Variants in HOPX observed in about 807,000 individuals in gnomAD.
The protein encoded by HOPX is HOP homeobox.
A neutral mutation model predicts 11.8 loss-of-function variants in HOPX; 5 were observed. The ratio of observed to expected loss-of-function variants is 0.43; its 90% CI spans 0.22 to 0.89. The LOEUF is 0.89. Among genes scored for constraint, HOPX ranks in the 40% least tolerant of loss-of-function variants. The probability of loss-of-function intolerance (pLI) is 0.28; values close to 1 mark genes in which losing one functional copy is unlikely to be tolerated. For missense variants in HOPX, 119 were observed against 120.0 expected, an observed-to-expected ratio of 0.99 and a Z score of 0.04; for synonymous variants, 49 against 49.7, an observed-to-expected ratio of 0.99 and a Z score of 0.06.
At chr4:56,668,766 CCTCA>C (rs2109531888) in intron 1 of HOPX, among the ~76,000 whole-genome samples, 1 of 152,270 alleles carries the variant, frequency 6.6e-6, no homozygotes, top group African/African-American at 2.4e-5. Flanking sequence ...CACTTTAAAT[CCTCA>C]CTAATGAATG....
chr4:56,656,258 T>G (rs920326536), intron 2 of HOPX: 10 of 1,167,152 alleles, frequency 8.6e-6, no homozygotes, highest in Non-Finnish European at 1.1e-5. Flanking sequence ...GTCCTGCGCC[T>G]CCCGCGCCCC....
At chr4:56,663,254 CACTTG>C (rs1273013030) in intron 1 of HOPX, 3 of 152,138 alleles carry the variant, frequency 2.0e-5, no homozygotes, top group Non-Finnish European at 4.4e-5. Context: ...GAACACGCTG[CACTTG>C]ACTTGATGAG....
rs2109481031 is a variant in HOPX, at chr4:56,656,011, C to T, written c.44G>A (p.Arg15His). 1.3e-6 allele frequency: 2 copies of T among 1,587,354 alleles called. No homozygotes were observed. Among genetic ancestry groups the T allele is most frequent in the South Asian group, 2.3e-5 (2 of 87,438 alleles). ...GGTCTCCGCCGACATGGTCCCTGCGCGCTGCGGGGCAGGGAGAAGCGGCGG... is the reference window on the plus strand; with the variant it reads ...GGTCTCCGCCGACATGGTCCCTGCGTGCTGCGGGGCAGGGAGAAGCGGCGG... ...LGCYRRRLEE[R>H]AGTMSAETAS... is the part of the protein sequence containing the mutation. The change falls in exon 3 of 4, where the codon CGC becomes CAC. Residue 15 changes from arginine (R) to histidine (H), a missense_variant and splice_region_variant. Transcript: ENST00000420433.
At position 56,669,279 on chromosome 4, in the gene HOPX, C is replaced by G. The variant is rs79166728; in HGVS notation, c.-83-11380G>C. On this transcript the variant is annotated intron_variant, in intron 1 of 3. Coordinates refer to ENST00000420433, the MANE Select transcript of HOPX (RefSeq NM_032495.6). Reference sequence around the variant, plus strand: ...GCCTAGTTTCTACTTCAAGGGACAACGGAGGAACCCATGAAACACTAGGAA... The same window carrying G: ...GCCTAGTTTCTACTTCAAGGGACAAGGGAGGAACCCATGAAACACTAGGAA... Among the ~76,000 whole-genome samples the G allele has an allele frequency of 2.8e-5, 4 of 143,852 alleles. No homozygotes were observed. The South Asian group carries it at 8.5e-4, about 31-fold the overall frequency. The allele number at this position is 143,852 out of a possible 152,430, so 94.4% of individuals were successfully genotyped here.
chr4:56,651,915 T>TGTGTGTGTG (rs1260908831), intron 3 of HOPX, among the ~76,000 whole-genome samples: 2 of 145,430 alleles, frequency 1.4e-5, no homozygotes, highest in African/African-American at 5.1e-5. Context: ...TGTGTGTGTG[T>TGTGTGTGTG]TTGAAATAAT....
At chr4:56,650,682 C>G (rs776207816) in intron 3 of HOPX, 1 of 1,551,578 alleles carries the variant, frequency 6.4e-7, no homozygotes. Context: ...ATCTTACATA[C>G]CTTTACACTG....
intron 1 of HOPX, among the ~76,000 whole-genome samples, chr4:56,675,876 G>C (rs1718989905): frequency 6.6e-6 from 1 of 151,710 alleles, no homozygotes; most frequent in South Asian, 2.1e-4. Context: ...GGATCCCCAG[G>C]TGATGGTTTT....
Position 56,681,263 on chromosome 4 carries a change from G to T in HOPX, c.-92C>A. The T allele has an allele frequency of 1.0e-6, 1 of 985,414 alleles. No homozygotes were observed. The highest frequency in any genetic ancestry group is 1.2e-6 in the Non-Finnish European group (1 of 829,930). The allele number at this position is 985,414 out of a possible 1,614,324, so 61.0% of individuals were successfully genotyped here. A position where few individuals can be genotyped will look rare whatever the true frequency, so the allele number is the denominator to read the frequency against. On this transcript the variant is annotated 5_prime_UTR_variant, in exon 1 of 4. Transcript: ENST00000420433. The stretch of plus-strand genomic sequence containing the variant: ...CTTTGAAAGGTACTTACGTGGAAGA[G>T]GCAAAGGCAAGCGCAAGCCCTGGGT...
intron 1 of HOPX, among the ~76,000 whole-genome samples, chr4:56,676,254 T>G (rs1719013419): frequency 6.6e-6 from 1 of 151,380 alleles, no homozygotes; most frequent in South Asian, 2.1e-4. Flanking sequence ...GCCGAGATCA[T>G]GACACTGTAC....
chr4:56,656,756 C>A (rs1173515480), intron 2 of HOPX, among the ~76,000 whole-genome samples: 1 of 152,184 alleles, frequency 6.6e-6, no homozygotes, highest in African/African-American at 2.4e-5. Context: ...TGCCACTCTG[C>A]CGCTCTGCAA....
Position 56,648,489 on chromosome 4 carries a change from T to C in HOPX, c.*231A>G. 1 of 379,596 alleles carries C rather than the reference T, an allele frequency of 2.6e-6. No individual in the cohort carries two copies. Among genetic ancestry groups the C allele is most frequent in the East Asian group, 3.8e-5 (1 of 26,570 alleles). The allele number at this position is 379,596 out of a possible 1,614,324, so 23.5% of individuals were successfully genotyped here. A position where few individuals can be genotyped will look rare whatever the true frequency, so the allele number is the denominator to read the frequency against. The stretch of plus-strand genomic sequence containing the variant: ...TCAAAGGGAAATGCTAGCCACACCA[T>C]TTTTCCAGTGAAGCCACTGCTTTAC... On this transcript the variant is annotated 3_prime_UTR_variant, in exon 4 of 4. Transcript: ENST00000420433.
chr4:56,649,746 CAG>C (rs1366463461), intron 3 of HOPX: 1 of 152,346 alleles, frequency 6.6e-6, no homozygotes, highest in Non-Finnish European at 1.5e-5. Flanking sequence ...CTTGAGAAAT[CAG>C]TGGCTGCCTT....
chr4:56,668,115 G>A (rs1053824258), intron 1 of HOPX, among the ~76,000 whole-genome samples: 1 of 152,086 alleles, frequency 6.6e-6, no homozygotes. Context: ...AGTAGAGTCG[G>A]GGTTTTGCCA....
rs541476508 is a variant in HOPX, at chr4:56,675,456, C to T, written c.-84+5799G>A. On this transcript the variant is annotated intron_variant, in intron 1 of 3. Transcript: ENST00000420433. ...TGGGACAATGAATCTTTCAGGCTCA[C>T]AGCTGCTTCAAAATTCCATTACAGC... Among the ~76,000 whole-genome samples, 59 of 151,826 alleles carry T rather than the reference C, an allele frequency of 3.9e-4. 1 individual carries two copies. In the South Asian group the frequency reaches 0.012, roughly 30 times the overall value.
intron 3 of HOPX, among the ~76,000 whole-genome samples, chr4:56,652,708 T>A (rs531050500): frequency 5.1e-4 from 77 of 152,204 alleles, no homozygotes; most frequent in African/African-American, 1.7e-3. Context: ...ATATCCCAGC[T>A]ACTTGGGAGG....
At chr4:56,661,180 CTT>C (rs1193871798) in intron 1 of HOPX, among the ~76,000 whole-genome samples, 1 of 152,046 alleles carries the variant, frequency 6.6e-6, no homozygotes, top group Admixed American at 6.6e-5. Flanking sequence ...TAGTTTTGCT[CTT>C]GAGTTGTTTA....
chr4:56,660,433 CA>C (rs1334284903), intron 1 of HOPX, among the ~76,000 whole-genome samples: 1 of 152,082 alleles, frequency 6.6e-6, no homozygotes, highest in Non-Finnish European at 1.5e-5. Context: ...AGAAATACCA[CA>C]AAATGTTAAC....
rs73163027 is a variant in HOPX at position 56,671,703 on chromosome 4, A to G, written c.-84+9552T>C. ...CATTAACATCACGAAATAATTGAAAAGGACAGATACACCAGAATGTCCAGC... is the reference window on the plus strand; with the variant it reads ...CATTAACATCACGAAATAATTGAAAGGGACAGATACACCAGAATGTCCAGC... On this transcript the variant is annotated intron_variant, in intron 1 of 3. Transcript: ENST00000420433. 1.6e-3 allele frequency among the ~76,000 whole-genome samples: 240 copies of G among 152,236 alleles called. 3 individuals carry two copies. The highest frequency in any genetic ancestry group is 5.5e-3 in the African/African-American group (229 of 41,478).
At chr4:56,650,900 G>A in intron 3 of HOPX, 4 of 1,282,462 alleles carry the variant, frequency 3.1e-6, no homozygotes, top group Non-Finnish European at 4.2e-6. Context: ...TCTGTAACCT[G>A]TGTGCGTGTG....
Sources: gnomAD v4.1 joint callset for allele counts (sites outside exome capture counted in the v4.1 genomes callset) on GRCh38, gnomAD v4.1.1 for gene constraint, MANE v1.5 for transcripts, NCBI Gene and HGNC (gene_info 2026-07-23, HGNC 2026-07-21) for gene names.